The following ELAC2 variants were observed in gnomAD, a reference collection of about 807,000 sequenced individuals.
ELAC2 encodes zinc phosphodiesterase ELAC protein 2.
A neutral mutation model predicts 105.2 loss-of-function variants in ELAC2; 92 were observed. That is an observed-to-expected ratio of 0.87 (90% confidence interval 0.74 to 1.04). The LOEUF is 1.04. Among genes scored for constraint, ELAC2 ranks in the 50% least tolerant of loss-of-function variants. The probability of loss-of-function intolerance (pLI) is 0.00; values close to 1 mark genes in which losing one functional copy is unlikely to be tolerated. For missense variants in ELAC2, 1,099 were observed against 1,071.7 expected (o/e 1.03, Z -0.36); for synonymous variants, 468 against 409.1 (o/e 1.14, Z -1.74).
intron 4 of ELAC2, among the ~76,000 whole-genome samples, chr17:13,015,349 AAC>A (rs2041658982): frequency 2.0e-5 from 3 of 152,346 alleles, no homozygotes; most frequent in South Asian, 4.1e-4. Flanking sequence ...TATATTCAAC[AAC>A]ACACACACGC....
chr17:13,008,339 G>A (rs766056081), intron 8 of ELAC2, among the ~76,000 whole-genome samples: 1 of 150,674 alleles, frequency 6.6e-6, no homozygotes, highest in South Asian at 2.1e-4. Context: ...GTGAAACCCC[G>A]TCTCTACTAA....
At chr17:13,012,260 A>T (rs569112499) in intron 6 of ELAC2, among the ~76,000 whole-genome samples, 1 of 152,356 alleles carries the variant, frequency 6.6e-6, no homozygotes, top group South Asian at 2.1e-4. Context: ...TGATCGGCAA[A>T]ACTGAGCATG....
chr17:12,997,589 C>T (rs966291932), intron 16 of ELAC2, among the ~76,000 whole-genome samples: 2 of 152,152 alleles, frequency 1.3e-5, no homozygotes, highest in African/African-American at 4.8e-5. Flanking sequence ...GAGGCCGGCT[C>T]ACTCCAAGCT....
In ELAC2 at chr17:13,017,699, T is replaced by C. The variant is rs1227897179; in HGVS notation, c.245+4A>G. On this transcript the variant is annotated splice_donor_region_variant and intron_variant, in intron 1 of 23. Coordinates refer to ENST00000338034, the MANE Select transcript of ELAC2 (RefSeq NM_018127.7). ...GCGGGACGGGGCGTGGCTCGTTGACTGACCGGTTGAACTCGGAGAAGACGT... is the reference window on the plus strand; with the variant it reads ...GCGGGACGGGGCGTGGCTCGTTGACCGACCGGTTGAACTCGGAGAAGACGT... 41 of 1,613,082 alleles carry C rather than the reference T, an allele frequency of 2.5e-5. No homozygotes were observed. The highest frequency in any genetic ancestry group is 3.4e-5 in the Non-Finnish European group (40 of 1,179,800).
intron 14 of ELAC2, chr17:13,000,740 G>A (rs373451458): frequency 9.8e-5 from 22 of 223,644 alleles, no homozygotes; most frequent in South Asian, 9.3e-4. Flanking sequence ...AAGCCAGTTC[G>A]GCAGCTCTGC....
chr17:13,013,518 G>A (rs1358662396), intron 5 of ELAC2, among the ~76,000 whole-genome samples: 2 of 149,954 alleles, frequency 1.3e-5, no homozygotes, highest in East Asian at 2.2e-4. Context: ...GTGACTATCC[G>A]TTAAAAATTG....
intron 14 of ELAC2, 43 bp from the exon 15 acceptor site, chr17:13,000,317 T>A: frequency 6.4e-7 from 1 of 1,572,754 alleles, no homozygotes. Context: ...GGACAGGGTA[T>A]ATGGCCTCAG....
At chr17:13,004,942 G>C in intron 11 of ELAC2, 47 bp downstream of exon 11, 5 of 1,414,730 alleles carry the variant, frequency 3.5e-6, no homozygotes, top group Non-Finnish European at 5.0e-6. Flanking sequence ...TCGATGCTGG[G>C]CTGGGTTTCA....
At chr17:13,004,953 G>A (rs1567758294) in intron 11 of ELAC2, 36 bp downstream of exon 11, 1 of 1,510,474 alleles carries the variant, frequency 6.6e-7, no homozygotes, top group East Asian at 2.3e-5. Context: ...CTGGGTTTCA[G>A]CTCTCACTTC....
chr17:13,008,896 G>A (rs975299769), intron 8 of ELAC2, among the ~76,000 whole-genome samples: 7 of 152,314 alleles, frequency 4.6e-5, no homozygotes, highest in African/African-American at 1.7e-4. Context: ...AGCCAGGGCA[G>A]GCAGCTGGCA....
At chr17:13,003,256 A>C (rs2040921012) in intron 12 of ELAC2, among the ~76,000 whole-genome samples, 1 of 152,214 alleles carries the variant, frequency 6.6e-6, no homozygotes, top group Non-Finnish European at 1.5e-5. Flanking sequence ...AGGGTGTAAA[A>C]TAAATGGAAT....
Position 13,000,156 on chromosome 17 carries a change from C to T in ELAC2, c.1423G>A (p.Glu475Lys), listed in dbSNP as rs1180683067. 1.2e-6 allele frequency: 2 copies of T among 1,613,288 alleles called. No individual in the cohort carries two copies. Among genetic ancestry groups the T allele is most frequent in the African/African-American group, 1.3e-5 (1 of 75,038 alleles). Residue 475 changes from glutamate to lysine, a missense_variant and splice_region_variant, in exon 15 of 24, where the codon GAG becomes AAG. Physicochemically the swap from Glu to Lys is moderately conservative, Grantham distance 56 (BLOSUM62 1). Coordinates refer to ENST00000338034, the MANE Select transcript of ELAC2 (RefSeq NM_018127.7). ...RSAQDGPAPA[E>K]KRSQYPEIIF... ...GGCTGCTCTGTGGGCTCCCACTCAC[C>T]TGCTGGGGCTGGGCCGTCCTGCGCA...
At chr17:12,994,614 T>C (rs2040374091) in intron 21 of ELAC2, 111 bp from the exon 22 acceptor site, 1 of 1,594,648 alleles carries the variant, frequency 6.3e-7, no homozygotes, top group Non-Finnish European at 8.6e-7. Context: ...GCCCTGGGTC[T>C]GCCTACTAGG....
chr17:13,015,883 C>A, intron 3 of ELAC2, 51 bp from the exon 4 acceptor site: 1 of 1,434,846 alleles, frequency 7.0e-7, no homozygotes, highest in South Asian at 1.1e-5. Context: ...CCTGTCGTCA[C>A]TAACAGGAGG....
intron 15 of ELAC2, among the ~76,000 whole-genome samples, chr17:12,999,477 C>T (rs755314561): frequency 3.9e-5 from 6 of 152,218 alleles, no homozygotes; most frequent in East Asian, 1.9e-4. Flanking sequence ...AGTTGAGTGA[C>T]GTGGCCAAGA....
At chr17:13,005,133 G>A (rs1598236246) in intron 10 of ELAC2, 32 bp from the exon 11 acceptor site, 1 of 1,502,074 alleles carries the variant, frequency 6.7e-7, no homozygotes, top group Non-Finnish European at 9.3e-7. Flanking sequence ...CCCACTGGGG[G>A]TCACAGCTCA....
chr17:13,015,976 G>A, intron 3 of ELAC2, 144 bp from the exon 4 acceptor site: 1 of 715,430 alleles, frequency 1.4e-6, no homozygotes, highest in Non-Finnish European at 2.5e-6. Flanking sequence ...GTACAGAGCA[G>A]AAGTGATGCC....
chr17:13,000,289 A>G lies in ELAC2; in HGVS notation c.1305-15T>C. ...TAATGGCATCCCTGCAGGAAGAGAG[A>G]GAAGCATCTCAGGTGACGGACAGGG... On this transcript the variant is annotated splice_polypyrimidine_tract_variant and intron_variant, in intron 14 of 23. Coordinates refer to ENST00000338034, the MANE Select transcript of ELAC2 (RefSeq NM_018127.7). The G allele has an allele frequency of 6.2e-7, 1 of 1,611,734 alleles. No individual in the cohort carries two copies. Among genetic ancestry groups the G allele is most frequent in the Non-Finnish European group, 8.5e-7 (1 of 1,177,952 alleles).
chr17:12,999,816 G>C (rs1386163660), intron 15 of ELAC2, among the ~76,000 whole-genome samples: 1 of 152,108 alleles, frequency 6.6e-6, no homozygotes, highest in Non-Finnish European at 1.5e-5. Flanking sequence ...CCGCCGCCAC[G>C]CCCAGCTAAT....
Sources: allele counts gnomAD v4.1 joint callset (sites outside exome capture counted in the v4.1 genomes callset), GRCh38; gene constraint gnomAD v4.1.1; transcripts MANE v1.5; gene names NCBI Gene and HGNC (gene_info 2026-07-23, HGNC 2026-07-21).